DTWD2: variants seen among roughly 807,000 people sequenced by gnomAD.
DTWD2 encodes DTW motif tRNA-uridine aminocarboxypropyltransferase 2.
In DTWD2, 39 loss-of-function variants were observed where a neutral mutation model predicts 31.8. The ratio of observed to expected loss-of-function variants is 1.22; its 90% CI spans 0.95 to 1.60. The LOEUF (loss-of-function observed/expected upper bound fraction) is 1.60. Among genes scored for constraint, DTWD2 ranks in the 40% most tolerant of loss-of-function variants. The probability of loss-of-function intolerance (pLI) is 0.00; values close to 1 mark genes in which losing one functional copy is unlikely to be tolerated. For missense variants in DTWD2, 515 were observed against 381.5 expected, an observed-to-expected ratio of 1.35 and a Z score of -2.92; for synonymous variants, 180 against 142.8, an observed-to-expected ratio of 1.26 and a Z score of -1.86.
At chr5:118,915,670 G>A (rs1380211735) in intron 4 of DTWD2, among the ~76,000 whole-genome samples, 3 of 152,096 alleles carry the variant, frequency 2.0e-5, no homozygotes, top group East Asian at 1.9e-4. Context: ...CACTACGCCC[G>A]GCCTAATCTT....
intron 1 of DTWD2, among the ~76,000 whole-genome samples, chr5:118,977,061 A>T (rs772773326): frequency 3.3e-5 from 5 of 152,238 alleles, no homozygotes; most frequent in Non-Finnish European, 5.9e-5. Context: ...GTAATCCATC[A>T]CATAAACAGA....
intron 4 of DTWD2, among the ~76,000 whole-genome samples, chr5:118,898,516 G>A (rs193279256): frequency 8.1e-4 from 123 of 151,816 alleles, no homozygotes; most frequent in Non-Finnish European, 1.1e-3. Context: ...AAAATTAGCC[G>A]GGCATGGTGG....
intron 1 of DTWD2, among the ~76,000 whole-genome samples, chr5:118,984,893 G>C (rs1018148679): frequency 2.0e-5 from 3 of 152,074 alleles, no homozygotes; most frequent in Non-Finnish European, 4.4e-5. Context: ...ATTCTTCCCA[G>C]TCAAGCTTGT....
At chr5:118,942,917 C>T (rs906698854) in intron 2 of DTWD2, among the ~76,000 whole-genome samples, 12 of 152,096 alleles carry the variant, frequency 7.9e-5, no homozygotes, top group Non-Finnish European at 1.5e-4. Context: ...ATCCTCCCAC[C>T]TCAGCCTCCC....
At chr5:118,959,720 G>A (rs1754665553) in intron 1 of DTWD2, among the ~76,000 whole-genome samples, 1 of 152,174 alleles carries the variant, frequency 6.6e-6, no homozygotes, top group African/African-American at 2.4e-5. Flanking sequence ...TAATGCTACA[G>A]TAACCAAAAC....
chr5:118,859,244 T>A, intron 4 of DTWD2, among the ~76,000 whole-genome samples: 1 of 151,174 alleles, frequency 6.6e-6, no homozygotes, highest in Non-Finnish European at 1.5e-5. Context: ...CTGGTAACAC[T>A]GAAATACAGT....
At chr5:118,968,801 C>A (rs1392056243) in intron 1 of DTWD2, among the ~76,000 whole-genome samples, 1 of 152,186 alleles carries the variant, frequency 6.6e-6, no homozygotes, top group Non-Finnish European at 1.5e-5. Context: ...AGGAAGGGGG[C>A]TGAATCCAGG....
intron 4 of DTWD2, among the ~76,000 whole-genome samples, chr5:118,890,386 T>G (rs1238221416): frequency 6.6e-6 from 1 of 152,114 alleles, no homozygotes; most frequent in African/African-American, 2.4e-5. Flanking sequence ...TCATGTAAAT[T>G]TCCACGTACC....
chr5:118,908,246 A>AGGGACCTCAGGATCCTC (rs1753377708), intron 4 of DTWD2, among the ~76,000 whole-genome samples: 1 of 152,198 alleles, frequency 6.6e-6, no homozygotes, highest in Non-Finnish European at 1.5e-5. Flanking sequence ...AGACCTGCAT[A>AGGGACCTCAGGATCCTC]GGGACCTCAG....
chr5:118,876,998 A>G (rs1207742174), intron 4 of DTWD2, among the ~76,000 whole-genome samples: 1 of 152,236 alleles, frequency 6.6e-6, no homozygotes, highest in East Asian at 1.9e-4. Flanking sequence ...GGAAAACCAA[A>G]TTCAACAGCA....
At chr5:118,901,486 GA>G (rs564949585) in intron 4 of DTWD2, among the ~76,000 whole-genome samples, 162 of 152,218 alleles carry the variant, frequency 1.1e-3, no homozygotes, top group African/African-American at 3.7e-3. Context: ...CCTCTCTGAT[GA>G]TTCTTTTTCT....
chr5:118,895,984 T>C (rs1482275759), intron 4 of DTWD2, among the ~76,000 whole-genome samples: 1 of 152,202 alleles, frequency 6.6e-6, no homozygotes, highest in African/African-American at 2.4e-5. Context: ...TATGCAGTAA[T>C]ATCCCATGAA....
intron 1 of DTWD2, among the ~76,000 whole-genome samples, chr5:118,959,883 G>A (rs907771076): frequency 1.3e-5 from 2 of 152,168 alleles, no homozygotes; most frequent in African/African-American, 4.8e-5. Context: ...GGGATAAGTA[G>A]CTAGCTGTAT....
rs1751692384 is a variant in DTWD2 at position 118,840,748 on chromosome 5, T to C, written c.*169A>G. Reference sequence around the variant, plus strand: ...GCTTTTCAGTGAGCCAGTGAATTTCTGTTTATTTGTATTTATGAATATTTG... The same window carrying C: ...GCTTTTCAGTGAGCCAGTGAATTTCCGTTTATTTGTATTTATGAATATTTG... On this transcript the variant is annotated 3_prime_UTR_variant, in exon 6 of 6. Transcript: ENST00000510708. The C allele has an allele frequency of 1.6e-6, 1 of 638,958 alleles. No homozygotes were observed. Among genetic ancestry groups the C allele is most frequent in the East Asian group, 3.7e-5 (1 of 27,150 alleles). The allele number at this position is 638,958 out of a possible 1,614,324, so 39.6% of individuals were successfully genotyped here. A position where few individuals can be genotyped will look rare whatever the true frequency, so the allele number is the denominator to read the frequency against.
At chr5:118,934,429 C>CA (rs139967602) in intron 3 of DTWD2, among the ~76,000 whole-genome samples, 6,024 of 151,072 alleles carry the variant, frequency 0.04, 399 homozygotes, top group African/African-American at 0.14. Context: ...AACAATAACA[C>CA]AAAAAATAGA....
intron 1 of DTWD2, among the ~76,000 whole-genome samples, chr5:118,979,067 G>A (rs554471423): frequency 2.1e-4 from 32 of 152,218 alleles, no homozygotes; most frequent in African/African-American, 7.2e-4. Flanking sequence ...CACTTTGGGA[G>A]GCCAAGGCGG....
intron 4 of DTWD2, among the ~76,000 whole-genome samples, chr5:118,910,030 C>T (rs891053311): frequency 6.6e-6 from 1 of 152,152 alleles, no homozygotes; most frequent in South Asian, 2.1e-4. Context: ...GTGAACAGCA[C>T]CTGGCTTCTG....
chr5:118,880,217 C>T (rs1317464330), intron 4 of DTWD2, among the ~76,000 whole-genome samples: 16 of 152,106 alleles, frequency 1.1e-4, no homozygotes, highest in Admixed American at 1.0e-3. Context: ...AATTCTTAGA[C>T]CCACATTTTC....
intron 4 of DTWD2, among the ~76,000 whole-genome samples, chr5:118,872,274 G>C (rs1752522895): frequency 6.6e-6 from 1 of 152,194 alleles, no homozygotes; most frequent in African/African-American, 2.4e-5. Context: ...GTTCACTGGA[G>C]TAACACTTTT....
Sources: gnomAD v4.1 joint callset for allele counts (sites outside exome capture counted in the v4.1 genomes callset) on GRCh38, gnomAD v4.1.1 for gene constraint, MANE v1.5 for transcripts, NCBI Gene and HGNC (gene_info 2026-07-23, HGNC 2026-07-21) for gene names.